The following FIP1L1 variants were observed in gnomAD, a reference collection of about 807,000 sequenced individuals.
The protein encoded by FIP1L1 is factor interacting with PAPOLA and CPSF1.
Under a neutral mutation model 84.6 loss-of-function variants are expected in FIP1L1, and 21 were observed. That is an observed-to-expected ratio of 0.25 (90% confidence interval 0.18 to 0.36). The LOEUF (loss-of-function observed/expected upper bound fraction) is 0.36, where lower values mean the gene tolerates loss of function less well. FIP1L1 is among the 10% of genes least tolerant of loss of function. FIP1L1 has a pLI of 1.00. For missense variants in FIP1L1, 526 were observed against 751.1 expected (o/e 0.70, Z 3.50); for synonymous variants, 263 against 242.3 (o/e 1.09, Z -0.80).
chr4:53,403,449 T>G (rs1751331687), intron 10 of FIP1L1, among the ~76,000 whole-genome samples: 1 of 152,222 alleles, frequency 6.6e-6, no homozygotes. Flanking sequence ...AAACACATCT[T>G]TATTAATCAA....
intron 5 of FIP1L1, among the ~76,000 whole-genome samples, chr4:53,385,530 A>G (rs553315346): frequency 6.6e-6 from 1 of 152,156 alleles, no homozygotes; most frequent in Non-Finnish European, 1.5e-5. Flanking sequence ...ACTGTGATTT[A>G]TGGAGTTTTC....
intron 13 of FIP1L1, among the ~76,000 whole-genome samples, chr4:53,433,835 T>C (rs962666451): frequency 2.0e-5 from 3 of 152,218 alleles, no homozygotes; most frequent in African/African-American, 7.2e-5. Context: ...AAAAGACTGT[T>C]GTCTTGTATC....
intron 13 of FIP1L1, chr4:53,442,348 A>G: frequency 4.1e-6 from 1 of 245,414 alleles, no homozygotes. Context: ...TGTATGGAGA[A>G]GGTAAGGCAT....
chr4:53,388,285 G>A (rs1352414224), intron 5 of FIP1L1, among the ~76,000 whole-genome samples: 1 of 151,872 alleles, frequency 6.6e-6, no homozygotes, highest in Non-Finnish European at 1.5e-5. Context: ...TATATAACAT[G>A]AATATAATGT....
intron 10 of FIP1L1, among the ~76,000 whole-genome samples, chr4:53,412,267 T>C (rs1757579155): frequency 1.3e-5 from 2 of 152,142 alleles, no homozygotes; most frequent in South Asian, 2.1e-4. Context: ...AACGAGGACA[T>C]TCTGTTAGAT....
chr4:53,408,465 T>C (rs1011029164), intron 10 of FIP1L1, among the ~76,000 whole-genome samples: 3 of 152,228 alleles, frequency 2.0e-5, no homozygotes, highest in African/African-American at 7.2e-5. Flanking sequence ...ATCTGACGAT[T>C]ATGTGTCTTG....
chr4:53,456,282 A>G (rs1018855094), intron 16 of FIP1L1, among the ~76,000 whole-genome samples: 1 of 152,166 alleles, frequency 6.6e-6, no homozygotes, highest in Non-Finnish European at 1.5e-5. Context: ...TAAATCCTCT[A>G]ATTCTTCTGC....
intron 3 of FIP1L1, among the ~76,000 whole-genome samples, chr4:53,380,515 G>A (rs1036908756): frequency 2.0e-5 from 3 of 152,162 alleles, no homozygotes; most frequent in African/African-American, 7.2e-5. Context: ...AAACTCAGTT[G>A]TCCTGTTTGA....
At chr4:53,445,384 CCTAGTT>C (rs1773758488) in intron 15 of FIP1L1, among the ~76,000 whole-genome samples, 1 of 152,080 alleles carries the variant, frequency 6.6e-6, no homozygotes, top group African/African-American at 2.4e-5. Context: ...CCCTACTCTT[CCTAGTT>C]CTTAGGATGG....
chr4:53,386,043 T>TA (rs1293973050), intron 5 of FIP1L1, among the ~76,000 whole-genome samples: 3 of 152,042 alleles, frequency 2.0e-5, no homozygotes, highest in African/African-American at 7.2e-5. Context: ...TAGCATTTTT[T>TA]TTTTTTTTTT....
At chr4:53,424,824 A>G (rs1763700409) in intron 11 of FIP1L1, among the ~76,000 whole-genome samples, 1 of 152,132 alleles carries the variant, frequency 6.6e-6, no homozygotes, top group Non-Finnish European at 1.5e-5. Flanking sequence ...CTCAGGTTTG[A>G]AAGTTAGTTT....
intron 11 of FIP1L1, among the ~76,000 whole-genome samples, chr4:53,417,662 A>T: frequency 7.0e-6 from 1 of 142,806 alleles, no homozygotes; most frequent in Non-Finnish European, 1.5e-5. Context: ...AAAAAAAAAA[A>T]AAAAGAAAAG....
chr4:53,415,405 C>T (rs1333175938), intron 11 of FIP1L1, among the ~76,000 whole-genome samples: 5 of 152,114 alleles, frequency 3.3e-5, no homozygotes, highest in Admixed American at 6.5e-5. Context: ...ACATTACTTG[C>T]AGTGATCAAT....
At chr4:53,456,570 A>C (rs1331984086) in intron 16 of FIP1L1, among the ~76,000 whole-genome samples, 1 of 152,100 alleles carries the variant, frequency 6.6e-6, no homozygotes, top group African/African-American at 2.4e-5. Context: ...CATGTAGTAT[A>C]TGTTGCTTTA....
At chr4:53,378,083 A>C in intron 1 of FIP1L1, 160 bp downstream of exon 1, 1 of 579,490 alleles carries the variant, frequency 1.7e-6, no homozygotes, top group South Asian at 3.4e-5. Context: ...GCGTGCCCCC[A>C]GTCCCCGCGG....
At chr4:53,416,243 A>T (rs994921066) in intron 11 of FIP1L1, among the ~76,000 whole-genome samples, 2 of 152,216 alleles carry the variant, frequency 1.3e-5, no homozygotes, top group African/African-American at 4.8e-5. Flanking sequence ...TGGACAGCCT[A>T]TTTACTGAAC....
chr4:53,429,084 G>A (rs958470559), intron 13 of FIP1L1, among the ~76,000 whole-genome samples: 25 of 152,184 alleles, frequency 1.6e-4, no homozygotes, highest in African/African-American at 5.1e-4. Flanking sequence ...ACCAAATCCA[G>A]GGTCTGAATA....
intron 15 of FIP1L1, 136 bp downstream of exon 15, chr4:53,444,239 G>A (rs1254325535): frequency 5.5e-6 from 3 of 547,340 alleles, no homozygotes; most frequent in Non-Finnish European, 3.3e-6. Context: ...GGAATGAGTG[G>A]TCTATGTATC....
chr4:53,460,754 G>T lies in FIP1L1; in HGVS notation c.*1305G>T. On this transcript the variant is annotated 3_prime_UTR_variant, in exon 18 of 18. Transcript: ENST00000337488. Reference sequence around the variant, plus strand: ...ATTTTTTTGGAATCATATTTTCTGAGGTGTAACTGGCTTTCATTAGATGAT... The same window carrying T: ...ATTTTTTTGGAATCATATTTTCTGATGTGTAACTGGCTTTCATTAGATGAT... 1 of 725,526 alleles carries T rather than the reference G, an allele frequency of 1.4e-6. No homozygotes were observed. Among genetic ancestry groups the T allele is most frequent in the Non-Finnish European group, 2.2e-6 (1 of 455,168 alleles). 44.9% of individuals were successfully genotyped at this position (725,526 alleles called of 1,614,324 possible). A position where few individuals can be genotyped will look rare whatever the true frequency, so the allele number is the denominator to read the frequency against.
Sources: gnomAD v4.1 joint callset for allele counts (sites outside exome capture counted in the v4.1 genomes callset) on GRCh38, gnomAD v4.1.1 for gene constraint, MANE v1.5 for transcripts, NCBI Gene and HGNC (gene_info 2026-07-23, HGNC 2026-07-21) for gene names.